The following DYM variants were observed in gnomAD, a reference collection of about 807,000 sequenced individuals.
DYM encodes dyggve-Melchior-Clausen syndrome protein.
A neutral mutation model predicts 93.1 loss-of-function variants in DYM; 78 were observed. The observed-to-expected ratio is 0.84, with a 90% CI of 0.70 to 1.01. The LOEUF (loss-of-function observed/expected upper bound fraction) is 1.01. Ranked by LOEUF, DYM falls within the 50% of genes least tolerant of loss-of-function variation. The pLI, the probability that DYM is intolerant of heterozygous loss-of-function variation, is 0.00. For missense variants in DYM, 789 were observed against 845.0 expected, an observed-to-expected ratio of 0.93 and a Z score of 0.82; for synonymous variants, 321 against 319.7, an observed-to-expected ratio of 1.00 and a Z score of -0.04.
chr18:49,360,424 C>T (rs2065919880), intron 6 of DYM, among the ~76,000 whole-genome samples: 1 of 151,990 alleles, frequency 6.6e-6, no homozygotes, highest in Non-Finnish European at 1.5e-5. Flanking sequence ...GAGTTCAAGA[C>T]CAGCCTAACC....
At position 49,209,673 on chromosome 18, in the gene DYM, G is replaced by A; in HGVS notation, c.1503C>T (p.Asp501=). 1 of 1,289,040 alleles carries A rather than the reference G, an allele frequency of 7.8e-7. No individual in the cohort carries two copies. Among genetic ancestry groups the A allele is most frequent in the Non-Finnish European group, 1.0e-6 (1 of 988,486 alleles). The allele number at this position is 1,289,040 out of a possible 1,614,324, so 79.9% of individuals were successfully genotyped here. A position where few individuals can be genotyped will look rare whatever the true frequency, so the allele number is the denominator to read the frequency against. The part of the protein sequence containing the change: ...RHLRRYVYVL[D]KLYFPHSHCS... ...AGTGAGAGTGGGGGAAATACAGTTT[G>A]TCCAACACATAAACATATCTCCGCA... The change falls in exon 14 of 18, where the codon GAC becomes GAT. Residue 501 remains aspartate, a synonymous_variant. Transcript: ENST00000675505.
At chr18:49,257,858 C>CAA (rs11334011) in intron 12 of DYM, among the ~76,000 whole-genome samples, 1 of 119,140 alleles carries the variant, frequency 8.4e-6, no homozygotes, top group African/African-American at 3.0e-5. Flanking sequence ...AATCGTAGCT[C>CAA]AAAAAAAAAA....
chr18:49,449,410 G>C (rs2082345855), intron 1 of DYM, among the ~76,000 whole-genome samples: 2 of 152,196 alleles, frequency 1.3e-5, no homozygotes, highest in Non-Finnish European at 2.9e-5. Context: ...AATAGGAAGA[G>C]AGGCGGTACC....
chr18:49,155,474 C>T (rs2086298036), intron 15 of DYM, among the ~76,000 whole-genome samples: 1 of 152,126 alleles, frequency 6.6e-6, no homozygotes, highest in South Asian at 2.1e-4. Context: ...CAAATATCAC[C>T]ACAGCCTAAT....
At chr18:49,087,210 G>C (rs979055776) in intron 17 of DYM, among the ~76,000 whole-genome samples, 1 of 152,096 alleles carries the variant, frequency 6.6e-6, no homozygotes, top group African/African-American at 2.4e-5. Flanking sequence ...CCAGTTTAAA[G>C]TATTTTGTTA....
At chr18:49,091,614 C>T (rs1038701430) in intron 17 of DYM, among the ~76,000 whole-genome samples, 3 of 152,174 alleles carry the variant, frequency 2.0e-5, no homozygotes, top group Non-Finnish European at 4.4e-5. Flanking sequence ...GCCCCAGCCC[C>T]ATAGATTCTA....
intron 17 of DYM, among the ~76,000 whole-genome samples, chr18:49,080,258 GCTC>G (rs1474809882): frequency 1.6e-5 from 2 of 122,920 alleles, no homozygotes; most frequent in African/African-American, 6.1e-5. Context: ...GGGCAGAGGG[GCTC>G]CTCACTTCCC....
At chr18:49,213,759 T>C (rs1283545815) in intron 13 of DYM, among the ~76,000 whole-genome samples, 2 of 152,144 alleles carry the variant, frequency 1.3e-5, no homozygotes, top group Non-Finnish European at 2.9e-5. Context: ...CTCCTTCCTT[T>C]GAGAAAGCTC....
chr18:49,407,323 G>A lies in DYM; in HGVS notation c.141-15678C>T, dbSNP rs192926863. 3.9e-3 allele frequency among the ~76,000 whole-genome samples: 601 copies of A among 152,194 alleles called. 1 individual carries two copies. The highest frequency in any genetic ancestry group is 0.013 in the African/African-American group (553 of 41,522). ...TACATAAACACATAAATGAATGCAC[G>A]GATAAATAACTGTGTTAGTCCATTT... On this transcript the variant is annotated intron_variant, in intron 2 of 17. Coordinates refer to ENST00000675505, the MANE Select transcript of DYM (RefSeq NM_001353214.3).
At chr18:49,168,550 AAG>A (rs971142431) in intron 14 of DYM, among the ~76,000 whole-genome samples, 6 of 152,274 alleles carry the variant, frequency 3.9e-5, no homozygotes, top group South Asian at 2.1e-4. Flanking sequence ...CACCAGAATG[AAG>A]ACAGTTTGAA....
Position 49,333,718 on chromosome 18 carries a change from A to G in DYM, c.620+10T>C. Reference sequence around the variant, plus strand: ...TGAAAAAACTAGACATACTTAAAGTAGAAACATACCATGGACCTCGCATCA... The same window carrying G: ...TGAAAAAACTAGACATACTTAAAGTGGAAACATACCATGGACCTCGCATCA... On this transcript the variant is annotated intron_variant, in intron 7 of 17. Coordinates refer to ENST00000675505, the MANE Select transcript of DYM (RefSeq NM_001353214.3). 1 of 1,613,658 alleles carries G rather than the reference A, an allele frequency of 6.2e-7. No homozygotes were observed. Among genetic ancestry groups the G allele is most frequent in the Non-Finnish European group, 8.5e-7 (1 of 1,179,680 alleles).
intron 17 of DYM, among the ~76,000 whole-genome samples, chr18:49,047,960 G>A (rs1405354115): frequency 6.6e-6 from 1 of 152,138 alleles, no homozygotes; most frequent in Non-Finnish European, 1.5e-5. Context: ...ATGAAGAGAA[G>A]GTAACTCGGA....
At chr18:49,419,761 T>C (rs1371759658) in intron 2 of DYM, among the ~76,000 whole-genome samples, 1 of 152,242 alleles carries the variant, frequency 6.6e-6, no homozygotes, top group Non-Finnish European at 1.5e-5. Context: ...CCTTATTCCT[T>C]AAACATGGTA....
intron 8 of DYM, among the ~76,000 whole-genome samples, chr18:49,299,992 G>A (rs1162402739): frequency 8.1e-5 from 12 of 148,200 alleles, no homozygotes; most frequent in East Asian, 2.0e-4. Context: ...GCAGTGAGCC[G>A]AGATCGTGCC....
chr18:49,398,146 G>A (rs1219934707), intron 2 of DYM, among the ~76,000 whole-genome samples: 3 of 152,052 alleles, frequency 2.0e-5, no homozygotes, highest in Non-Finnish European at 2.9e-5. Flanking sequence ...TTTCACCTAG[G>A]ACTGACTTTT....
chr18:49,460,056 T>A (rs1309714550), intron 1 of DYM, among the ~76,000 whole-genome samples: 2 of 152,136 alleles, frequency 1.3e-5, no homozygotes, highest in Non-Finnish European at 2.9e-5. Flanking sequence ...CGATAAACTA[T>A]GAATGTAAAA....
At chr18:49,275,293 T>C (rs955297728) in intron 10 of DYM, among the ~76,000 whole-genome samples, 5 of 152,186 alleles carry the variant, frequency 3.3e-5, no homozygotes, top group Admixed American at 2.6e-4. Context: ...TATGGGTTTA[T>C]TTCTAGACTC....
chr18:49,390,059 T>C (rs2069049952), intron 3 of DYM, among the ~76,000 whole-genome samples: 1 of 152,244 alleles, frequency 6.6e-6, no homozygotes, highest in South Asian at 2.1e-4. Flanking sequence ...CCCTAAGCTA[T>C]GGTTGTAAGG....
At chr18:49,100,763 T>TA (rs1163850175) in intron 16 of DYM, among the ~76,000 whole-genome samples, 1 of 152,158 alleles carries the variant, frequency 6.6e-6, no homozygotes, top group African/African-American at 2.4e-5. Flanking sequence ...ATGAGGCTGA[T>TA]AAAAATCTCT....
Sources: allele counts gnomAD v4.1 joint callset (sites outside exome capture counted in the v4.1 genomes callset), GRCh38; gene constraint gnomAD v4.1.1; transcripts MANE v1.5; gene names NCBI Gene and HGNC (gene_info 2026-07-23, HGNC 2026-07-21).